The following GKAP1 variants were observed in gnomAD, a reference collection of about 807,000 sequenced individuals.
The protein encoded by GKAP1 is G kinase anchoring protein 1.
A neutral mutation model predicts 56.7 loss-of-function variants in GKAP1; 31 were observed. That is an observed-to-expected ratio of 0.55 (90% CI 0.41 to 0.74). The LOEUF (loss-of-function observed/expected upper bound fraction) is 0.74. GKAP1 is among the 30% of genes least tolerant of loss of function. The pLI, the probability that GKAP1 is intolerant of heterozygous loss-of-function variation, is 0.00. For synonymous variants in GKAP1, 151 were observed against 138.6 expected (o/e 1.09, Z -0.63); for missense variants, 364 against 402.3 (o/e 0.90, Z 0.82).
At chr9:83,762,426 T>G (rs1587701981) in intron 8 of GKAP1, among the ~76,000 whole-genome samples, 2 of 152,138 alleles carry the variant, frequency 1.3e-5, no homozygotes, top group Admixed American at 6.6e-5. Context: ...TGGAAAGATA[T>G]TCCATGTTCA....
At chr9:83,813,272 A>T (rs1392012294) in intron 2 of GKAP1, among the ~76,000 whole-genome samples, 1 of 152,258 alleles carries the variant, frequency 6.6e-6, no homozygotes, top group Non-Finnish European at 1.5e-5. Context: ...TAAGCCATAC[A>T]ATGCAAATGA....
At chr9:83,784,877 A>G in intron 5 of GKAP1, 39 bp from the exon 6 acceptor site, 2 of 1,439,770 alleles carry the variant, frequency 1.4e-6, no homozygotes, top group Non-Finnish European at 1.9e-6. Flanking sequence ...TTCAGTTTAC[A>G]AACTGTAAAA....
chr9:83,739,645 T>A lies in GKAP1; in HGVS notation c.*52A>T. The A allele has an allele frequency of 6.7e-7, 1 of 1,484,160 alleles. No individual in the cohort carries two copies. The highest frequency in any genetic ancestry group is 1.3e-5 in the South Asian group (1 of 79,998). The allele number at this position is 1,484,160 out of a possible 1,614,324, so 91.9% of individuals were successfully genotyped here. ...GCACAGCATTAAATATATACAACTT[T>A]GCAAAATCCTGGAAGTTTTAAACTT... On this transcript the variant is annotated 3_prime_UTR_variant, in exon 13 of 13. Coordinates refer to ENST00000376371, the MANE Select transcript of GKAP1 (RefSeq NM_025211.4).
At chr9:83,807,472 T>A (rs1587742825) in intron 2 of GKAP1, among the ~76,000 whole-genome samples, 1 of 152,154 alleles carries the variant, frequency 6.6e-6, no homozygotes, top group East Asian at 1.9e-4. Context: ...AACTCAGAAA[T>A]TTGTATTTTG....
At chr9:83,764,137 T>C (rs906724999) in intron 8 of GKAP1, among the ~76,000 whole-genome samples, 2 of 152,316 alleles carry the variant, frequency 1.3e-5, no homozygotes, top group African/African-American at 4.8e-5. Context: ...GTGAATATGC[T>C]AACCATAAAT....
chr9:83,791,417 G>T (rs1298239291), intron 4 of GKAP1, among the ~76,000 whole-genome samples: 1 of 150,278 alleles, frequency 6.7e-6, no homozygotes, highest in Non-Finnish European at 1.5e-5. Context: ...AAAAAAAAAG[G>T]AAAATAGAAA....
At chr9:83,809,291 T>C (rs2780088) in intron 2 of GKAP1, among the ~76,000 whole-genome samples, 4 of 152,290 alleles carry the variant, frequency 2.6e-5, no homozygotes, top group East Asian at 3.9e-4. Flanking sequence ...GGCCTTGGGG[T>C]AGCCAGGAAA....
chr9:83,764,333 T>C (rs754832640), intron 8 of GKAP1, among the ~76,000 whole-genome samples: 7 of 152,130 alleles, frequency 4.6e-5, no homozygotes, highest in Non-Finnish European at 7.3e-5. Flanking sequence ...GCTTCCACTC[T>C]TTGCTCAGCA....
At chr9:83,781,137 C>T (rs1297208154) in intron 6 of GKAP1, among the ~76,000 whole-genome samples, 2 of 152,022 alleles carry the variant, frequency 1.3e-5, no homozygotes, top group Non-Finnish European at 2.9e-5. Context: ...CCCAGGCGGG[C>T]GGATCACCTG....
At position 83,779,474 on chromosome 9, in the gene GKAP1, C is replaced by CATACAT. The variant is rs1290790050; in HGVS notation, c.585+907_585+908insATGTAT. Among the ~76,000 whole-genome samples the CATACAT allele has an allele frequency of 8.5e-3, 1,164 of 136,480 alleles. 84 individuals are homozygous for CATACAT. The highest frequency in any genetic ancestry group is 0.031 in the African/African-American group (1,121 of 36,058). 89.5% of individuals were successfully genotyped at this position (136,480 alleles called of 152,430 possible). A position where few individuals can be genotyped will look rare whatever the true frequency, so the allele number is the denominator to read the frequency against. On this transcript the variant is annotated intron_variant, in intron 7 of 12. Transcript: ENST00000376371. Reference sequence around the variant, plus strand: ...ACACACACACACACACGCACATATACATATACATACATATATACACATATA... The same window carrying CATACAT: ...ACACACACACACACACGCACATATACATACATATATACATACATATATACACATATA...
chr9:83,788,534 G>C, intron 5 of GKAP1, 67 bp downstream of exon 5: 7 of 853,172 alleles, frequency 8.2e-6, no homozygotes, highest in Non-Finnish European at 1.3e-5. Context: ...TAAAATTCAA[G>C]TAGGTTGATT....
At chr9:83,762,493 A>C (rs1943590676) in intron 8 of GKAP1, among the ~76,000 whole-genome samples, 1 of 152,232 alleles carries the variant, frequency 6.6e-6, no homozygotes, top group Non-Finnish European at 1.5e-5. Flanking sequence ...CAATCTACAG[A>C]TTCAATGCAA....
intron 10 of GKAP1, among the ~76,000 whole-genome samples, chr9:83,747,722 T>C (rs549980329): frequency 6.6e-6 from 1 of 152,028 alleles, no homozygotes; most frequent in East Asian, 1.9e-4. Context: ...CTGCAACCTC[T>C]GCCTCCTGAG....
chr9:83,749,469 A>C (rs1416513185), intron 9 of GKAP1, among the ~76,000 whole-genome samples: 1 of 152,056 alleles, frequency 6.6e-6, no homozygotes, highest in African/African-American at 2.4e-5. Flanking sequence ...TCAAGTGATC[A>C]ACCCGCCTTG....
At chr9:83,804,635 C>G (rs1346236709) in intron 3 of GKAP1, among the ~76,000 whole-genome samples, 1 of 142,762 alleles carries the variant, frequency 7.0e-6, no homozygotes, top group Non-Finnish European at 1.6e-5. Flanking sequence ...GGGGGTCAGC[C>G]CCCCGCCTGG....
chr9:83,801,422 G>A (rs1944329998), intron 3 of GKAP1, among the ~76,000 whole-genome samples: 1 of 150,866 alleles, frequency 6.6e-6, no homozygotes, highest in African/African-American at 2.4e-5. Context: ...AGGCAGCCCT[G>A]AGAAACTAAT....
At chr9:83,801,312 C>T (rs1944327828) in intron 3 of GKAP1, among the ~76,000 whole-genome samples, 2 of 151,920 alleles carry the variant, frequency 1.3e-5, no homozygotes, top group Non-Finnish European at 2.9e-5. Context: ...AGGAATGGCC[C>T]TTTTGATCTG....
chr9:83,787,786 G>A (rs577163181), intron 5 of GKAP1, among the ~76,000 whole-genome samples: 1 of 152,262 alleles, frequency 6.6e-6, no homozygotes, highest in Non-Finnish European at 1.5e-5. Flanking sequence ...ACAAGCTATA[G>A]AATGCATTTC....
intron 4 of GKAP1, among the ~76,000 whole-genome samples, chr9:83,795,555 T>C (rs1944231047): frequency 6.6e-6 from 1 of 151,702 alleles, no homozygotes; most frequent in East Asian, 1.9e-4. Flanking sequence ...AATGGTGGTA[T>C]ACTCTCTCAG....
Sources: allele counts gnomAD v4.1 joint callset (sites outside exome capture counted in the v4.1 genomes callset), GRCh38; gene constraint gnomAD v4.1.1; transcripts MANE v1.5; gene names NCBI Gene and HGNC (gene_info 2026-07-23, HGNC 2026-07-21).